Variants in ACADVL observed in about 807,000 individuals in gnomAD.
ACADVL encodes the protein acyl-CoA dehydrogenase very long chain.
ACADVL carries 73 observed loss-of-function variants against 80.4 expected under a neutral mutation model. The ratio of observed to expected loss-of-function variants is 0.91; its 90% CI spans 0.75 to 1.10. The LOEUF is 1.10. Among genes scored for constraint, ACADVL ranks in the 50% least tolerant of loss-of-function variants. The pLI is 0.00. For synonymous variants in ACADVL, 392 were observed against 326.5 expected (o/e 1.20, Z -2.16); for missense variants, 878 against 858.9 (o/e 1.02, Z -0.28).
Position 7,224,519 on chromosome 17 carries a change from G to C in ACADVL, c.1645G>C (p.Ala549Pro). 6.2e-7 allele frequency: 1 copy of C among 1,613,260 alleles called. No homozygotes were observed. The highest frequency in any genetic ancestry group is 8.5e-7 in the Non-Finnish European group (1 of 1,180,006). Residue 549 changes from alanine (A) to proline (P), a missense_variant, in exon 17 of 20, where the codon GCC (alanine) becomes CCC (proline). Ala to Pro is a conservative substitution (Grantham distance 27, BLOSUM62 -1). Transcript: ENST00000356839. ...GGAGCAGTTTGCCACTGTGGTGGAG[G>C]CCAAGCTGATAAAACACAAGAAGGG... is the stretch of plus-strand genomic sequence containing the variant. ...ALEQFATVVE[A>P]KLIKHKKGIV...
Position 7,220,160 on chromosome 17 carries a change from G to A in ACADVL, c.101G>A (p.Gly34Asp). 2 of 1,540,354 alleles carry A rather than the reference G, an allele frequency of 1.3e-6. No individual in the cohort carries two copies. Among genetic ancestry groups the A allele is most frequent in the South Asian group, 1.2e-5 (1 of 84,666 alleles). ...LTALLGQPRPGPARRPYAGGA... is the reference protein window; with the variant it reads ...LTALLGQPRPDPARRPYAGGA... ...GCGCTCCTGGGGCAGCCCCGGCCCG[G>A]CCCTGCCCGGCGGCCCTATGCCGGG... Residue 34 changes from glycine to aspartate, a missense_variant, in exon 2 of 20, where the codon GGC becomes GAC. Gly to Asp is a moderately conservative substitution (Grantham distance 94, BLOSUM62 -1). Transcript: ENST00000356839.
At chr17:7,221,381 CCACTT>C (rs1479437303) in intron 6 of ACADVL, 152 bp from the exon 7 acceptor site, 1 of 1,332,030 alleles carries the variant, frequency 7.5e-7, no homozygotes, top group Admixed American at 1.7e-5. Context: ...TTTGCACACC[CCACTT>C]CTTTTCTACA....
Position 7,220,625 on chromosome 17 carries a change from G to C in ACADVL, c.226G>C (p.Gly76Arg), listed in dbSNP as rs370156298. The change falls in exon 4 of 20, where the codon GGA becomes CGA. Residue 76 changes from glycine (G) to arginine (R), a missense_variant. Transcript: ENST00000356839. ...AKAESKSFAV[G>R]MFKGQLTTDQ... is the part of the protein sequence containing the mutation. ...CCAGGAATCTAAGTCCTTTGCTGTG[G>C]GAATGTTCAAAGGCCAGCTCACCAC... 6.2e-7 allele frequency: 1 copy of C among 1,614,194 alleles called. No homozygotes were observed. The highest frequency in any genetic ancestry group is 2.2e-5 in the East Asian group (1 of 44,878).
At chr17:7,218,866 T>G (rs974132898), upstream of ACADVL, 2 of 1,613,502 alleles carry the variant, frequency 1.2e-6, no homozygotes, top group African/African-American at 1.3e-5. Flanking sequence ...CTTCTCTCAC[T>G]TTAATCTCCC....
chr17:7,217,449 G>A, upstream of ACADVL: 1 of 439,818 alleles, frequency 2.3e-6, no homozygotes, highest in South Asian at 2.9e-5. Context: ...GGAGTTCGGG[G>A]GCTGGGGCAT....
chr17:7,220,402 T>C, intron 2 of ACADVL, 62 bp from the exon 3 acceptor site: 3 of 1,609,280 alleles, frequency 1.9e-6, no homozygotes, highest in Non-Finnish European at 2.6e-6. Flanking sequence ...GGCTCTCGCC[T>C]GTTCTCCCCT....
At chr17:7,217,202 CGTTCCTCCCCTCCGTGG>C, upstream of ACADVL, 1 of 1,264,244 alleles carries the variant, frequency 7.9e-7, no homozygotes, top group Admixed American at 4.1e-5. Flanking sequence ...ATCGGAGTTT[CGTTCCTCCCCTCCGTGG>C]GTTCTCACCC....
upstream of ACADVL, chr17:7,218,520 C>G (rs370045627): frequency 1.7e-5 from 26 of 1,552,842 alleles, no homozygotes; most frequent in Middle Eastern, 1.7e-4. Context: ...GCCCAGGTCC[C>G]TCAGAAAACG....
chr17:7,225,228 C>G lies in ACADVL; in HGVS notation c.*131C>G. 1 of 1,235,524 alleles carries G rather than the reference C, an allele frequency of 8.1e-7. No individual in the cohort carries two copies. The highest frequency in any genetic ancestry group is 1.2e-6 in the Non-Finnish European group (1 of 867,308). The allele number at this position is 1,235,524 out of a possible 1,614,324, so 76.5% of individuals were successfully genotyped here. A position where few individuals can be genotyped will look rare whatever the true frequency, so the allele number is the denominator to read the frequency against. On this transcript the variant is annotated 3_prime_UTR_variant, in exon 20 of 20. Coordinates refer to ENST00000356839, the MANE Select transcript of ACADVL (RefSeq NM_000018.4). ...AGCACTGTGCCTGCTCTCAAGAGCA[C>G]TTACTGCCTCGCAAATAATAAAAAT...
At chr17:7,220,276 CTT>C in intron 2 of ACADVL, 79 bp downstream of exon 2, 2 of 1,504,540 alleles carry the variant, frequency 1.3e-6, no homozygotes, top group Non-Finnish European at 1.8e-6. Flanking sequence ...GGATCTCCCT[CTT>C]GGTGCCAGGT....
At chr17:7,219,933 A>ACGCGGGCGTGCAGGG (rs2071102988), upstream of ACADVL, 1 of 1,576,618 alleles carries the variant, frequency 6.3e-7, no homozygotes, top group Middle Eastern at 1.7e-4. Context: ...GGCGTGCAGG[A>ACGCGGGCGTGCAGGG]CGCCAGAGCT....
At position 7,224,596 on chromosome 17, in the gene ACADVL, T is replaced by C. The variant is rs778000780; in HGVS notation, c.1678+44T>C. 27 of 1,593,430 alleles carry C rather than the reference T, an allele frequency of 1.7e-5. No individual in the cohort carries two copies. The South Asian group carries it at 2.8e-4, about 17-fold the overall frequency. On this transcript the variant is annotated intron_variant, in intron 17 of 19. Coordinates refer to ENST00000356839, the MANE Select transcript of ACADVL (RefSeq NM_000018.4). Reference sequence around the variant, plus strand: ...ATTCCGCCCCTCCCTTTCCTCTCCTTGAGACTAATGCCCCCACCCCCACCC... The same window carrying C: ...ATTCCGCCCCTCCCTTTCCTCTCCTCGAGACTAATGCCCCCACCCCCACCC...
upstream of ACADVL, chr17:7,218,435 C>T (rs2071034783): frequency 7.2e-7 from 1 of 1,385,234 alleles, no homozygotes; most frequent in Non-Finnish European, 1.0e-6. Flanking sequence ...CAGGACCCTG[C>T]ATGGTGCTCC....
At chr17:7,219,805 G>A, upstream of ACADVL, 1 of 1,526,054 alleles carries the variant, frequency 6.6e-7, no homozygotes, top group Non-Finnish European at 8.8e-7. Context: ...CTCTAAGTCA[G>A]CGGAACGCAG....
Position 7,221,049 on chromosome 17 carries a change from C to G in ACADVL, c.468C>G (p.Cys156Trp). 1 of 1,613,704 alleles carries G rather than the reference C, an allele frequency of 6.2e-7. No homozygotes were observed. The highest frequency in any genetic ancestry group is 8.5e-7 in the Non-Finnish European group (1 of 1,180,028). ...VPSELGGVGLCNTQYARLVEI... is the reference protein window; with the variant it reads ...VPSELGGVGLWNTQYARLVEI... The stretch of plus-strand genomic sequence containing the variant: ...GTGAGCTGGGTGGTGTGGGCCTTTG[C>G]AACACCCAGGTGAGGGCGCCCTATC... Residue 156 changes from cysteine to tryptophan, a missense_variant, in exon 6 of 20, where the codon TGC becomes TGG. By Grantham distance (215) the Cys-to-Trp change is radical. Coordinates refer to ENST00000356839, the MANE Select transcript of ACADVL (RefSeq NM_000018.4).
At position 7,223,749 on chromosome 17, in the gene ACADVL, T is replaced by TG. The variant is rs780870246; in HGVS notation, c.1269+22dup. 58 of 1,613,970 alleles carry TG rather than the reference T, an allele frequency of 3.6e-5. No homozygotes were observed. The highest frequency in any genetic ancestry group is 4.9e-5 in the Non-Finnish European group (58 of 1,180,014). ...TGGCTCGGTGAGGTCCCAGGCATGC[T>TG]GGGAGGGAGTCCAGTTTGGGTGCTC... On this transcript the variant is annotated intron_variant, in intron 12 of 19. Transcript: ENST00000356839.
chr17:7,224,140 C>T lies in ACADVL; in HGVS notation c.1435-6C>T. The T allele has an allele frequency of 6.2e-7, 1 of 1,614,088 alleles. No individual in the cohort carries two copies. The highest frequency in any genetic ancestry group is 8.5e-7 in the Non-Finnish European group (1 of 1,180,004). ...GTCCTGACTGCTGGACCCTCTTCCC[C>T]CATAGGACAAAGGAAAGGAGCTCTC... On this transcript the variant is annotated splice_polypyrimidine_tract_variant and splice_region_variant and intron_variant, in intron 14 of 19. Coordinates refer to ENST00000356839, the MANE Select transcript of ACADVL (RefSeq NM_000018.4).
At chr17:7,218,659 A>T, upstream of ACADVL, 1 of 1,556,230 alleles carries the variant, frequency 6.4e-7, no homozygotes, top group South Asian at 1.2e-5. Context: ...TGCAAGGAGA[A>T]TTGGGACAGG....
chr17:7,220,456 T>C lies in ACADVL; in HGVS notation c.139-8T>C, dbSNP rs1339639061. 3.7e-6 allele frequency: 6 copies of C among 1,614,088 alleles called. No homozygotes were observed. The East Asian group carries it at 1.3e-4, about 36-fold the overall frequency. On this transcript the variant is annotated splice_region_variant and splice_polypyrimidine_tract_variant and intron_variant, in intron 2 of 19. Coordinates refer to ENST00000356839, the MANE Select transcript of ACADVL (RefSeq NM_000018.4). ...TTCCCTGAACTTGCTAACCGTCTCT[T>C]TTCCCAGCTGGCTCTGGACAAGTCA...
Sources: allele counts gnomAD v4.1 joint callset, GRCh38; gene constraint gnomAD v4.1.1; transcripts MANE v1.5; gene names NCBI Gene and HGNC (gene_info 2026-07-23, HGNC 2026-07-21).